Variants in TBC1D1 observed in about 807,000 individuals in gnomAD.
TBC1D1 encodes TBC1 (tre-2/USP6, BUB2, cdc16) domain family, member 1.
In TBC1D1, 89 loss-of-function variants were observed where a neutral mutation model predicts 125.6. The observed-to-expected ratio is 0.71, with a 90% CI of 0.60 to 0.85. TBC1D1 has a LOEUF of 0.85. Ranked by LOEUF, TBC1D1 falls within the 40% of genes least tolerant of loss-of-function variation. The pLI, the probability that TBC1D1 is intolerant of heterozygous loss-of-function variation, is 0.00. For synonymous variants in TBC1D1, 565 were observed against 564.1 expected, an observed-to-expected ratio of 1.00 and a Z score of -0.02; for missense variants, 1,377 against 1,469.2, an observed-to-expected ratio of 0.94 and a Z score of 1.03.
At chr4:37,987,363 A>G (rs1735680096) in intron 2 of TBC1D1, among the ~76,000 whole-genome samples, 1 of 152,100 alleles carries the variant, frequency 6.6e-6, no homozygotes, top group African/African-American at 2.4e-5. Context: ...GTCCTAGCTA[A>G]TAAGATTAAA....
At position 37,995,722 on chromosome 4, in the gene TBC1D1, A is replaced by G. The variant is rs184099256; in HGVS notation, c.418-18787A>G. 141 of 527,126 alleles carry G rather than the reference A, an allele frequency of 2.7e-4. 1 individual carries two copies. Among genetic ancestry groups the G allele is most frequent in the African/African-American group, 2.5e-3 (130 of 52,190 alleles). The allele number at this position is 527,126 out of a possible 1,614,324, so 32.7% of individuals were successfully genotyped here. A position where few individuals can be genotyped will look rare whatever the true frequency, so the allele number is the denominator to read the frequency against. On this transcript the variant is annotated intron_variant, in intron 2 of 19. Transcript: ENST00000261439. The surrounding 1 kb of genome is among the most constrained non-coding windows in gnomAD (Gnocchi z 4.3). ...CCCGTGTTCTGAGAAGTATTTGGAA[A>G]TGGTTGTCTGGACGGCTTGCACTTT...
intron 2 of TBC1D1, among the ~76,000 whole-genome samples, chr4:37,910,676 G>A (rs1346905302): frequency 6.6e-6 from 1 of 152,006 alleles, no homozygotes; most frequent in Non-Finnish European, 1.5e-5. Context: ...GGGGAGTGAG[G>A]GGAGATGGTT....
intron 12 of TBC1D1, among the ~76,000 whole-genome samples, chr4:38,059,875 TC>T (rs1752447541): frequency 6.6e-6 from 1 of 152,126 alleles, no homozygotes; most frequent in Non-Finnish European, 1.5e-5. Flanking sequence ...CTCTCCCTGC[TC>T]CCTGCCGCCC....
At position 37,935,715 on chromosome 4, in the gene TBC1D1, C is replaced by A. The variant is rs142041962; in HGVS notation, c.417+33203C>A. ...GCTGTCTCCCCTGTTTAAGCTCTTG[C>A]ATGGATTCCGATTGGTCTGAGAATC... is the stretch of plus-strand genomic sequence containing the variant. On this transcript the variant is annotated intron_variant, in intron 2 of 19. Transcript: ENST00000261439. Among the ~76,000 whole-genome samples, 1,320 of 152,260 alleles carry A rather than the reference C, an allele frequency of 8.7e-3. 9 individuals are homozygous for A. Among genetic ancestry groups the A allele is most frequent in the African/African-American group, 0.03 (1,247 of 41,548 alleles).
chr4:38,006,832 CT>C, intron 2 of TBC1D1: 1 of 515,300 alleles, frequency 1.9e-6, no homozygotes. Flanking sequence ...TTGGTTTCCC[CT>C]TTCCACGAAG....
At chr4:37,910,015 C>G (rs756706131) in intron 2 of TBC1D1, among the ~76,000 whole-genome samples, 1 of 152,144 alleles carries the variant, frequency 6.6e-6, no homozygotes, top group African/African-American at 2.4e-5. Flanking sequence ...GTTCTTAACA[C>G]CAGATTGATT....
chr4:37,899,146 A>G (rs1305051162), intron 1 of TBC1D1, among the ~76,000 whole-genome samples: 1 of 151,738 alleles, frequency 6.6e-6, no homozygotes, highest in East Asian at 1.9e-4. Flanking sequence ...CTCTAGGACG[A>G]AAAAGAAAGA....
At chr4:37,976,672 C>G (rs1008837186) in intron 2 of TBC1D1, among the ~76,000 whole-genome samples, 3 of 151,576 alleles carry the variant, frequency 2.0e-5, no homozygotes, top group African/African-American at 7.3e-5. Flanking sequence ...CAACGTGGAA[C>G]TCAGGAGTGG....
chr4:38,000,240 C>T (rs1056044874), intron 2 of TBC1D1, among the ~76,000 whole-genome samples: 1 of 152,176 alleles, frequency 6.6e-6, no homozygotes, highest in African/African-American at 2.4e-5. Flanking sequence ...TGAGATGTAG[C>T]TGATACCTCC....
chr4:38,047,105 C>T (rs1450297957), intron 10 of TBC1D1, among the ~76,000 whole-genome samples: 1 of 152,200 alleles, frequency 6.6e-6, no homozygotes, highest in South Asian at 2.1e-4. Context: ...GAACAACATA[C>T]AATACATACT....
At chr4:37,991,228 TA>T (rs765875780) in intron 2 of TBC1D1, among the ~76,000 whole-genome samples, 1 of 151,776 alleles carries the variant, frequency 6.6e-6, no homozygotes, top group Non-Finnish European at 1.5e-5. Context: ...CAGGGATAAG[TA>T]GAACTGACTA....
chr4:37,961,150 G>A, intron 2 of TBC1D1: 1 of 1,175,492 alleles, frequency 8.5e-7, no homozygotes, highest in South Asian at 1.4e-5. Flanking sequence ...TCCTCTTTAT[G>A]TGCATCTGTC....
intron 10 of TBC1D1, 125 bp downstream of exon 10, chr4:38,046,028 G>A (rs945785842): frequency 2.5e-6 from 2 of 787,986 alleles, no homozygotes; most frequent in African/African-American, 1.7e-5. Flanking sequence ...ACAGGTGGAG[G>A]ACTGGTCATG....
chr4:38,069,736 A>G (rs1754375194), intron 12 of TBC1D1, among the ~76,000 whole-genome samples: 1 of 152,174 alleles, frequency 6.6e-6, no homozygotes, highest in Admixed American at 6.5e-5. Context: ...GGGAGAAATG[A>G]TTGGCCCAGC....
At chr4:37,992,816 T>G (rs1031032732) in intron 2 of TBC1D1, among the ~76,000 whole-genome samples, 3 of 147,526 alleles carry the variant, frequency 2.0e-5, no homozygotes, top group African/African-American at 7.5e-5. Flanking sequence ...TTTTTTTTCT[T>G]TTTTTGGAGA....
Position 38,068,858 on chromosome 4 carries a change from G to A in TBC1D1, c.2050+14520G>A, listed in dbSNP as rs568004730. 9.9e-5 allele frequency among the ~76,000 whole-genome samples: 15 copies of A among 152,280 alleles called. No homozygotes were observed. The South Asian group carries it at 2.5e-3, about 25-fold the overall frequency. ...TCTTGGACATGCTGCTCAAGGTGGTGAACTCTGAGATCTCCAGTCCCCCCA... is the reference window on the plus strand; with the variant it reads ...TCTTGGACATGCTGCTCAAGGTGGTAAACTCTGAGATCTCCAGTCCCCCCA... On this transcript the variant is annotated intron_variant, in intron 12 of 19. Coordinates refer to ENST00000261439, the MANE Select transcript of TBC1D1 (RefSeq NM_015173.4).
intron 7 of TBC1D1, among the ~76,000 whole-genome samples, chr4:38,032,624 G>A (rs1272198576): frequency 6.6e-6 from 1 of 152,118 alleles, no homozygotes; most frequent in Non-Finnish European, 1.5e-5. Flanking sequence ...CACGAGGTCA[G>A]GAGATCAAGA....
intron 2 of TBC1D1, among the ~76,000 whole-genome samples, chr4:37,931,781 A>C (rs1271919143): frequency 6.6e-6 from 1 of 151,944 alleles, no homozygotes; most frequent in Non-Finnish European, 1.5e-5. Context: ...CGGCCTTTCC[A>C]TTCCTCTTAT....
intron 18 of TBC1D1, among the ~76,000 whole-genome samples, chr4:38,130,363 T>C (rs1267885404): frequency 1.3e-5 from 2 of 152,248 alleles, no homozygotes; most frequent in African/African-American, 2.4e-5. Flanking sequence ...CTTCCAATAA[T>C]GTAGCTCTAT....
Sources: gnomAD v4.1 joint callset for allele counts (sites outside exome capture counted in the v4.1 genomes callset) on GRCh38, gnomAD v4.1.1 for gene constraint, Gnocchi (gnomAD v3.1) non-coding constraint, MANE v1.5 for transcripts, NCBI Gene and HGNC (gene_info 2026-07-23, HGNC 2026-07-21) for gene names.